Variants in LINGO2 observed in about 807,000 individuals in gnomAD.
The protein encoded by LINGO2 is leucine rich repeat and Ig domain containing 2, also known as leucine-rich repeat and immunoglobulin-like domain-containing nogo receptor-interacting protein 2.
In LINGO2, 14 loss-of-function variants were observed where a neutral mutation model predicts 30.6. That is an observed-to-expected ratio of 0.46 (90% CI 0.30 to 0.72). The LOEUF (loss-of-function observed/expected upper bound fraction) is 0.72, where lower values mean the gene tolerates loss of function less well. Ranked by LOEUF, LINGO2 falls within the 30% of genes least tolerant of loss-of-function variation. LINGO2 has a pLI of 0.07. For missense variants in LINGO2, 729 were observed against 751.7 expected, an observed-to-expected ratio of 0.97 and a Z score of 0.35; for synonymous variants, 317 against 288.5, an observed-to-expected ratio of 1.10 and a Z score of -1.00.
At chr9:28,011,297 C>T (rs1327003034) in intron 5 of LINGO2, among the ~76,000 whole-genome samples, 1 of 152,148 alleles carries the variant, frequency 6.6e-6, no homozygotes, top group Non-Finnish European at 1.5e-5. Context: ...GGAAAAATTC[C>T]TTCACAGGTT....
the LINGO2 span, among the ~76,000 whole-genome samples, chr9:29,032,321 T>TG: frequency 6.6e-6 from 1 of 152,258 alleles, no homozygotes; most frequent in Middle Eastern, 3.4e-3. Flanking sequence ...CTGCTGTAAT[T>TG]GGAGGGTCAT....
the LINGO2 span, among the ~76,000 whole-genome samples, chr9:29,104,688 G>A: frequency 3.3e-5 from 5 of 152,036 alleles, no homozygotes; most frequent in African/African-American, 9.7e-5. Context: ...TTGCAGTTAC[G>A]TTCTTTATTT....
chr9:28,589,624 A>G (rs1207265812), intron 1 of LINGO2, among the ~76,000 whole-genome samples: 1 of 152,284 alleles, frequency 6.6e-6, no homozygotes, highest in Non-Finnish European at 1.5e-5. Context: ...AAAGAGAACT[A>G]CAAACCACTG....
the LINGO2 span, among the ~76,000 whole-genome samples, chr9:28,824,089 G>A: frequency 6.6e-6 from 1 of 152,132 alleles, no homozygotes; most frequent in Non-Finnish European, 1.5e-5. Context: ...CAAATAGTTA[G>A]TACTTGTTAT....
the LINGO2 span, among the ~76,000 whole-genome samples, chr9:28,766,856 GAA>G: frequency 6.6e-6 from 1 of 151,142 alleles, no homozygotes; most frequent in Non-Finnish European, 1.5e-5. Context: ...GAGAGAGAAA[GAA>G]AAAGAGAGAG....
chr9:28,109,267 T>A (rs527750425), intron 4 of LINGO2, among the ~76,000 whole-genome samples: 4 of 152,312 alleles, frequency 2.6e-5, no homozygotes, highest in African/African-American at 7.2e-5. Context: ...GAGCTATTTA[T>A]GTCAAACCCA....
intron 4 of LINGO2, among the ~76,000 whole-genome samples, chr9:28,290,125 G>A (rs1031574408): frequency 6.6e-6 from 1 of 152,170 alleles, no homozygotes; most frequent in Non-Finnish European, 1.5e-5. Flanking sequence ...AACCAAAGCT[G>A]AGAGAAGTTA....
chr9:28,604,593 A>G (rs755700946), intron 1 of LINGO2, among the ~76,000 whole-genome samples: 1 of 152,176 alleles, frequency 6.6e-6, no homozygotes, highest in Middle Eastern at 3.4e-3. Flanking sequence ...TTATTTAACA[A>G]TGAGAGTATT....
chr9:28,896,842 T>C, the LINGO2 span, among the ~76,000 whole-genome samples: 526 of 152,222 alleles, frequency 3.5e-3, 2 homozygotes, highest in Non-Finnish European at 6.0e-3. Context: ...ACTTTTTACA[T>C]ATCATCTATA....
At chr9:29,118,884 T>A in the LINGO2 span, among the ~76,000 whole-genome samples, 1 of 152,060 alleles carries the variant, frequency 6.6e-6, no homozygotes, top group East Asian at 1.9e-4. Context: ...GACATACCCA[T>A]CCATGCCCCA....
intron 5 of LINGO2, among the ~76,000 whole-genome samples, chr9:27,958,518 G>A (rs1243527245): frequency 6.6e-6 from 1 of 151,864 alleles, no homozygotes; most frequent in Non-Finnish European, 1.5e-5. Flanking sequence ...TCCAAAATCA[G>A]GTGAGTACAA....
rs1041385297 is a variant in LINGO2 at position 28,096,826 on chromosome 9, C to T, written c.-86-84421G>A. ...TAATGTCTTGGCATTCATCTGACTC[C>T]GACACACAGATTGCTTCAAGAAATA... On this transcript the variant is annotated intron_variant, in intron 4 of 5. Transcript: ENST00000379992. Among the ~76,000 whole-genome samples, 18 of 152,064 alleles carry T rather than the reference C, an allele frequency of 1.2e-4. 1 individual carries two copies. The South Asian group carries it at 1.2e-3, about 11-fold the overall frequency.
At chr9:28,236,938 C>T (rs1220880285) in intron 4 of LINGO2, among the ~76,000 whole-genome samples, 1 of 151,844 alleles carries the variant, frequency 6.6e-6, no homozygotes, top group East Asian at 1.9e-4. Flanking sequence ...GGGTTGAATA[C>T]CCAATTTGTC....
chr9:29,001,787 T>G, the LINGO2 span, among the ~76,000 whole-genome samples: 1 of 151,966 alleles, frequency 6.6e-6, no homozygotes, highest in Admixed American at 6.6e-5. Flanking sequence ...TGCATATATA[T>G]ATATCAGGCA....
At chr9:28,253,324 G>A (rs1822271358) in intron 4 of LINGO2, among the ~76,000 whole-genome samples, 1 of 152,138 alleles carries the variant, frequency 6.6e-6, no homozygotes, top group Admixed American at 6.6e-5. Context: ...GCAGGGCAGT[G>A]TACTAAACAC....
At chr9:28,668,486 T>C (rs943908287) in intron 1 of LINGO2, among the ~76,000 whole-genome samples, 1 of 152,022 alleles carries the variant, frequency 6.6e-6, no homozygotes, top group African/African-American at 2.4e-5. Context: ...AAACAAAATA[T>C]TAATTTTTAA....
chr9:27,938,782 C>G, the LINGO2 span: 2 of 151,898 alleles, frequency 1.3e-5, no homozygotes, highest in Non-Finnish European at 2.9e-5. Flanking sequence ...ACTTCAGTGA[C>G]GGGCAGCTCG....
chr9:28,556,126 G>C (rs919905038), intron 1 of LINGO2, among the ~76,000 whole-genome samples: 2 of 151,988 alleles, frequency 1.3e-5, no homozygotes, highest in African/African-American at 4.8e-5. Context: ...ATTCAACATA[G>C]TGTTGGAAGT....
intron 5 of LINGO2, among the ~76,000 whole-genome samples, chr9:27,990,918 T>G (rs1353752623): frequency 2.6e-5 from 4 of 152,008 alleles, no homozygotes; most frequent in African/African-American, 9.7e-5. Context: ...AGAGCTGAAC[T>G]TGCTCTCCTG....
Sources: gnomAD v4.1 joint callset for allele counts (sites outside exome capture counted in the v4.1 genomes callset) on GRCh38, gnomAD v4.1.1 for gene constraint, MANE v1.5 for transcripts, NCBI Gene and HGNC (gene_info 2026-07-23, HGNC 2026-07-21) for gene names.